The following DYNC2H1 variants were observed in gnomAD, a reference collection of about 807,000 sequenced individuals.
The protein encoded by DYNC2H1 is dynein cytoplasmic 2 heavy chain 1, also known as cytoplasmic dynein 2 heavy chain 1.
Under a neutral mutation model 570.0 loss-of-function variants are expected in DYNC2H1, and 410 were observed. The ratio of observed to expected loss-of-function variants is 0.72; its 90% CI spans 0.66 to 0.78. DYNC2H1 has a LOEUF of 0.78. Among genes scored for constraint, DYNC2H1 ranks in the 30% least tolerant of loss-of-function variants. DYNC2H1 has a pLI of 0.00. For synonymous variants in DYNC2H1, 1,688 were observed against 1,677.6 expected (o/e 1.01, Z -0.15); for missense variants, 4,865 against 5,046.4 (o/e 0.96, Z 1.09).
intron 75 of DYNC2H1, among the ~76,000 whole-genome samples, chr11:103,300,103 A>G (rs1382689173): frequency 2.0e-5 from 3 of 152,078 alleles, no homozygotes; most frequent in Non-Finnish European, 4.4e-5. Flanking sequence ...GAATGAATCT[A>G]TTATACTTAC....
At chr11:103,416,461 A>T (rs1441034141) in intron 84 of DYNC2H1, among the ~76,000 whole-genome samples, 1 of 152,004 alleles carries the variant, frequency 6.6e-6, no homozygotes, top group Non-Finnish European at 1.5e-5. Flanking sequence ...ACCAAAACAG[A>T]TTATAGACCA....
chr11:103,188,421 T>C (rs966856956), intron 43 of DYNC2H1, 76 bp from the exon 44 acceptor site: 17 of 1,183,664 alleles, frequency 1.4e-5, no homozygotes, highest in Admixed American at 4.6e-5. Flanking sequence ...TAATTGAAAC[T>C]TAGGCAAAAA....
At chr11:103,273,191 T>A (rs1865778291) in intron 70 of DYNC2H1, among the ~76,000 whole-genome samples, 1 of 151,494 alleles carries the variant, frequency 6.6e-6, no homozygotes, top group African/African-American at 2.4e-5. Flanking sequence ...TTTTCTTTTC[T>A]TTTCTTCTTT....
intron 6 of DYNC2H1, 68 bp downstream of exon 6, chr11:103,117,931 A>G (rs1287195504): frequency 6.0e-6 from 8 of 1,332,420 alleles, no homozygotes; most frequent in Non-Finnish European, 7.1e-6. Context: ...TTGTAAATGT[A>G]TTTTATAATC....
intron 59 of DYNC2H1, among the ~76,000 whole-genome samples, chr11:103,226,500 TA>T (rs1421888770): frequency 6.6e-6 from 1 of 152,248 alleles, no homozygotes; most frequent in Non-Finnish European, 1.5e-5. Context: ...TAATTCTGTT[TA>T]TGTGGTGTAT....
At chr11:103,142,225 C>T (rs918845914) in intron 17 of DYNC2H1, among the ~76,000 whole-genome samples, 1 of 152,254 alleles carries the variant, frequency 6.6e-6, no homozygotes, top group Non-Finnish European at 1.5e-5. Context: ...CTGTCCTGTG[C>T]CCACTGTCTG....
intron 82 of DYNC2H1, among the ~76,000 whole-genome samples, chr11:103,342,184 C>A (rs1342541098): frequency 6.8e-6 from 1 of 147,558 alleles, no homozygotes; most frequent in Non-Finnish European, 1.5e-5. Flanking sequence ...TAAAATGCAT[C>A]AATCAGTGCT....
In DYNC2H1 at chr11:103,219,956, C is replaced by T. The variant is rs1591429709; in HGVS notation, c.8874C>T (p.His2958=). ...AAACAGAACTTGAAAGACTGAAGCA[C>T]AGAATAGCAGAAGAAGTTGTTAAAA... The part of the protein sequence containing the change: ...EQKTELERLK[H]RIAEEVVKIE... Residue 2958 remains histidine (H), a synonymous_variant, in exon 56 of 89, where the codon CAC becomes CAT. Transcript: ENST00000375735. 6.6e-7 allele frequency: 1 copy of T among 1,509,466 alleles called. No homozygotes were observed. Among genetic ancestry groups the T allele is most frequent in the East Asian group, 2.6e-5 (1 of 38,078 alleles). 93.5% of individuals were successfully genotyped at this position (1,509,466 alleles called of 1,614,324 possible).
intron 85 of DYNC2H1, among the ~76,000 whole-genome samples, chr11:103,438,137 C>T (rs1157289032): frequency 3.3e-5 from 5 of 152,048 alleles, no homozygotes; most frequent in Admixed American, 3.3e-4. Context: ...TCCTTCCAAC[C>T]AGGGAATATG....
chr11:103,378,774 A>T (rs1402208085), intron 83 of DYNC2H1, among the ~76,000 whole-genome samples: 2 of 152,328 alleles, frequency 1.3e-5, no homozygotes, highest in African/African-American at 4.8e-5. Context: ...CTGATAGTGT[A>T]GCTGCAGATC....
chr11:103,437,645 A>G (rs964136532), intron 85 of DYNC2H1, among the ~76,000 whole-genome samples: 1 of 152,182 alleles, frequency 6.6e-6, no homozygotes, highest in African/African-American at 2.4e-5. Context: ...TAAATGCTGG[A>G]AGGAAGAAAG....
chr11:103,433,051 C>G (rs1943950697), intron 84 of DYNC2H1, among the ~76,000 whole-genome samples: 2 of 152,080 alleles, frequency 1.3e-5, no homozygotes, highest in Admixed American at 6.6e-5. Context: ...TAAAGCACCA[C>G]AAGGAACTTC....
intron 88 of DYNC2H1, among the ~76,000 whole-genome samples, chr11:103,478,581 T>C (rs1201034881): frequency 6.6e-6 from 1 of 152,074 alleles, no homozygotes; most frequent in Non-Finnish European, 1.5e-5. Context: ...CAAAAAAGAA[T>C]ATGGGAAACT....
At chr11:103,398,866 T>A (rs1942503122) in intron 83 of DYNC2H1, among the ~76,000 whole-genome samples, 1 of 152,146 alleles carries the variant, frequency 6.6e-6, no homozygotes, top group African/African-American at 2.4e-5. Context: ...AATACTAAGA[T>A]ATAATGTTCA....
At chr11:103,331,920 C>T (rs1338428689) in intron 82 of DYNC2H1, among the ~76,000 whole-genome samples, 2 of 151,912 alleles carry the variant, frequency 1.3e-5, no homozygotes, top group Admixed American at 6.6e-5. Flanking sequence ...ATTAGCCAGG[C>T]GTGGTGGCAC....
Position 103,135,643 on chromosome 11 carries a change from T to G in DYNC2H1, c.2345+9T>G, listed in dbSNP as rs772122634. ...ATAGACTTAACTTACAAGTAAGATGTTTTTTCAACCCCAATTTAATGTTCA... is the reference window on the plus strand; with the variant it reads ...ATAGACTTAACTTACAAGTAAGATGGTTTTTCAACCCCAATTTAATGTTCA... On this transcript the variant is annotated intron_variant, in intron 16 of 88. Coordinates refer to ENST00000375735, the MANE Select transcript of DYNC2H1 (RefSeq NM_001377.3). 6.2e-7 allele frequency: 1 copy of G among 1,609,756 alleles called. No homozygotes were observed. The highest frequency in any genetic ancestry group is 8.5e-7 in the Non-Finnish European group (1 of 1,178,750).
At position 103,299,375 on chromosome 11, in the gene DYNC2H1, ATCTT is replaced by A; in HGVS notation, c.11096-3717_11096-3714del. ...CAGGTTTAAACAATGCCCAGTTATC[ATCTT>A]CTGCAGGTCAGAAACCTGATGGGCT... is the stretch of plus-strand genomic sequence containing the variant. On this transcript the variant is annotated intron_variant, in intron 75 of 88. Coordinates refer to ENST00000375735, the MANE Select transcript of DYNC2H1 (RefSeq NM_001377.3). The surrounding 1 kb of genome is among the most constrained non-coding windows in gnomAD (Gnocchi z 4.5). Among the ~76,000 whole-genome samples, 1 of 152,246 alleles carries A rather than the reference ATCTT, an allele frequency of 6.6e-6. No homozygotes were observed. Among genetic ancestry groups the A allele is most frequent in the East Asian group, 1.9e-4 (1 of 5,184 alleles).
rs764491760 is a variant in DYNC2H1 at position 103,455,285 on chromosome 11, G to A, written c.12556G>A (p.Glu4186Lys). 5 of 1,612,902 alleles carry A rather than the reference G, an allele frequency of 3.1e-6. No individual in the cohort carries two copies. The Admixed American group carries it at 6.7e-5, about 22-fold the overall frequency. ...PDTFLNALRQ[E>K]TARAVGRSVD... ...CACATTTCTTAATGCTCTTCGCCAG[G>A]AAACTGCAAGGTAATTAAAATGAAA... Residue 4186 changes from glutamate (E) to lysine (K), a missense_variant, in exon 86 of 89, where the codon GAA becomes AAA. Glu to Lys is a moderately conservative substitution (Grantham distance 56). Around this residue, in one of 5 missense-constraint regions of DYNC2H1, gnomAD observed 2,401 missense variants for 2,454.6 expected, o/e 0.98. Coordinates refer to ENST00000375735, the MANE Select transcript of DYNC2H1 (RefSeq NM_001377.3).
At chr11:103,336,204 T>C (rs983090451) in intron 82 of DYNC2H1, among the ~76,000 whole-genome samples, 3 of 152,216 alleles carry the variant, frequency 2.0e-5, no homozygotes, top group Admixed American at 6.5e-5. Context: ...ACATATAATA[T>C]TTGTTAAAAG....
Sources: gnomAD v4.1 joint callset for allele counts (sites outside exome capture counted in the v4.1 genomes callset) on GRCh38, gnomAD v4.1.1 for gene constraint, gnomAD v4.1.1 regional missense constraint, Gnocchi (gnomAD v3.1) non-coding constraint, MANE v1.5 for transcripts, NCBI Gene and HGNC (gene_info 2026-07-23, HGNC 2026-07-21) for gene names.